SETD2: variants seen among roughly 807,000 people sequenced by gnomAD.
The protein encoded by SETD2 is histone-lysine N-methyltransferase SETD2.
A neutral mutation model predicts 242.1 loss-of-function variants in SETD2; 31 were observed. The ratio of observed to expected loss-of-function variants is 0.13; its 90% CI spans 0.10 to 0.17. SETD2 has a LOEUF of 0.17. SETD2 is among the 10% of genes least tolerant of loss of function. SETD2 has a pLI of 1.00. For missense variants in SETD2, 2,481 were observed against 3,046.3 expected (o/e 0.81, Z 4.37); for synonymous variants, 1,006 against 1,066.5 (o/e 0.94, Z 1.11).
intron 6 of SETD2, among the ~76,000 whole-genome samples, chr3:47,105,138 G>A (rs570828204): frequency 5.3e-5 from 8 of 152,166 alleles, no homozygotes; most frequent in East Asian, 1.9e-4. Context: ...GGCCAGGCAC[G>A]GTGGCTCACA....
intron 1 of SETD2, among the ~76,000 whole-genome samples, chr3:47,127,046 G>T (rs1350557559): frequency 6.6e-6 from 1 of 152,160 alleles, no homozygotes; most frequent in Non-Finnish European, 1.5e-5. Context: ...CAGTTTAGTG[G>T]GAAAATAGGA....
chr3:47,143,606 T>C (rs756442110), intron 1 of SETD2, among the ~76,000 whole-genome samples: 8 of 152,238 alleles, frequency 5.3e-5, no homozygotes, highest in Non-Finnish European at 1.0e-4. Flanking sequence ...TAACAGTATA[T>C]AACTGCATAT....
intron 5 of SETD2, among the ~76,000 whole-genome samples, chr3:47,113,374 T>C (rs1240453547): frequency 1.3e-5 from 2 of 152,160 alleles, no homozygotes; most frequent in African/African-American, 2.4e-5. Context: ...CAGTAAACAC[T>C]TGGTAGTTGC....
chr3:47,062,613 T>C (rs1273588433), intron 13 of SETD2, among the ~76,000 whole-genome samples: 2 of 152,192 alleles, frequency 1.3e-5, no homozygotes, highest in African/African-American at 2.4e-5. Flanking sequence ...TTAACATTTC[T>C]ATAATAAGTT....
At chr3:47,153,773 A>G (rs1203909537) in intron 1 of SETD2, among the ~76,000 whole-genome samples, 1 of 151,812 alleles carries the variant, frequency 6.6e-6, no homozygotes, top group Non-Finnish European at 1.5e-5. Context: ...AAAAAAAAAG[A>G]GATCCCACTT....
At position 47,122,234 on chromosome 3, in the gene SETD2, T is replaced by C. The variant is rs1241448462; in HGVS notation, c.2402A>G (p.Asn801Ser). The C allele has an allele frequency of 3.7e-6, 6 of 1,614,082 alleles. No individual in the cohort carries two copies. The highest frequency in any genetic ancestry group is 2.2e-5 in the South Asian group (2 of 91,076). ...SDIYCTLNDS[N>S]PSLCNSEAEN... ...AGCTTCAGAGTTACACAAAGAAGGG[T>C]TGCTATCGTTCAAAGTACAGTATAT... Residue 801 changes from asparagine (N) to serine (S), a missense_variant, in exon 3 of 21, where the codon AAC becomes AGC. Transcript: ENST00000409792.
At chr3:47,026,807 G>C (rs1022769480) in intron 18 of SETD2, among the ~76,000 whole-genome samples, 42 of 152,156 alleles carry the variant, frequency 2.8e-4, no homozygotes, top group African/African-American at 8.9e-4. Flanking sequence ...GGCCTGTCAG[G>C]GGGTAGGGGA....
At chr3:47,080,697 A>T in intron 12 of SETD2, 2 of 579,718 alleles carry the variant, frequency 3.4e-6, no homozygotes, top group Non-Finnish European at 4.4e-6. Flanking sequence ...GCAATGTGCT[A>T]GGTGATGTTT....
intron 1 of SETD2, among the ~76,000 whole-genome samples, chr3:47,152,799 G>A (rs2044022289): frequency 6.6e-6 from 1 of 152,208 alleles, no homozygotes; most frequent in South Asian, 2.1e-4. Context: ...GCCCAGAGCA[G>A]TGCTCCCAGT....
At chr3:47,044,343 T>G (rs1484706751) in intron 16 of SETD2, among the ~76,000 whole-genome samples, 1 of 13,978 alleles carries the variant, frequency 7.2e-5, no homozygotes, top group African/African-American at 3.3e-4. Context: ...AGACTTCATC[T>G]CAAAAAAAAA....
In SETD2 at chr3:47,111,503, G is replaced by A. The variant is rs554672630; in HGVS notation, c.4715+2373C>T. 9.2e-5 allele frequency among the ~76,000 whole-genome samples: 14 copies of A among 152,208 alleles called. No homozygotes were observed. The South Asian group carries it at 1.2e-3, about 14-fold the overall frequency. On this transcript the variant is annotated intron_variant, in intron 5 of 20. Coordinates refer to ENST00000409792, the MANE Select transcript of SETD2 (RefSeq NM_014159.7). ...GAGGATAAATTGAGCCTGGGAGGTC[G>A]ACACTGCAGTGAGCTATGATTGCGC...
chr3:47,146,859 GAGTCCAGGA>G (rs1406427414), intron 1 of SETD2, among the ~76,000 whole-genome samples: 1 of 151,340 alleles, frequency 6.6e-6, no homozygotes, highest in Non-Finnish European at 1.5e-5. Flanking sequence ...AATCACTTGA[GAGTCCAGGA>G]AGTCAAAACT....
intron 5 of SETD2, among the ~76,000 whole-genome samples, chr3:47,113,662 C>T (rs1266007476): frequency 9.9e-5 from 15 of 152,036 alleles, no homozygotes; most frequent in Admixed American, 7.9e-4. Flanking sequence ...GGTGAAACAA[C>T]GTCTCTACCA....
rs2107738417 is a variant in SETD2 at position 47,120,142 on chromosome 3, A to G, written c.4454+40T>C. 2.1e-6 allele frequency: 3 copies of G among 1,428,662 alleles called. No homozygotes were observed. The South Asian group carries it at 4.2e-5, about 20-fold the overall frequency. The allele number at this position is 1,428,662 out of a possible 1,614,324, so 88.5% of individuals were successfully genotyped here. A position where few individuals can be genotyped will look rare whatever the true frequency, so the allele number is the denominator to read the frequency against. On this transcript the variant is annotated intron_variant, in intron 3 of 20. Transcript: ENST00000409792. ...TAAAGGCTTTTTCTAACAACAAAAA[A>G]AGAGTTAAAATTTGTCAAACAAGTA...
intron 8 of SETD2, among the ~76,000 whole-genome samples, chr3:47,099,033 G>A (rs2107677165): frequency 6.6e-6 from 1 of 152,248 alleles, no homozygotes; most frequent in South Asian, 2.1e-4. Context: ...TCTGACAAGA[G>A]AAGCAGACAG....
At chr3:47,100,365 A>G (rs1175922858) in intron 8 of SETD2, among the ~76,000 whole-genome samples, 2 of 152,030 alleles carry the variant, frequency 1.3e-5, no homozygotes, top group Non-Finnish European at 2.9e-5. Flanking sequence ...GGTTCAAGCT[A>G]TTCTCCTGCC....
rs539373118 is a variant in SETD2 at position 47,051,731 on chromosome 3, A to G, written c.6963+5090T>C. ...AAAGCTAGTTCGAATTCTAGTTTTG[A>G]AAAAAAAAAAATCACCAGGGTAAAA... On this transcript the variant is annotated intron_variant, in intron 15 of 20. Coordinates refer to ENST00000409792, the MANE Select transcript of SETD2 (RefSeq NM_014159.7). Among the ~76,000 whole-genome samples the G allele has an allele frequency of 2.7e-4, 40 of 147,536 alleles. 1 individual carries two copies. Among genetic ancestry groups the G allele is most frequent in the Middle Eastern group, 3.5e-3 (1 of 282 alleles).
At chr3:47,108,128 T>A (rs1180969889) in intron 5 of SETD2, among the ~76,000 whole-genome samples, 3 of 151,954 alleles carry the variant, frequency 2.0e-5, no homozygotes, top group African/African-American at 7.3e-5. Flanking sequence ...AATAAATAAA[T>A]TTTAAAAAAT....
intron 14 of SETD2, among the ~76,000 whole-genome samples, chr3:47,061,048 C>T (rs1200005627): frequency 1.3e-5 from 2 of 152,098 alleles, no homozygotes; most frequent in African/African-American, 4.8e-5. Context: ...GAAACCCCAT[C>T]TCTACTAAAA....
Sources: allele counts gnomAD v4.1 joint callset (sites outside exome capture counted in the v4.1 genomes callset), GRCh38; gene constraint gnomAD v4.1.1; transcripts MANE v1.5; gene names NCBI Gene and HGNC (gene_info 2026-07-23, HGNC 2026-07-21).